Variants in ANO3 observed in about 807,000 individuals in gnomAD.
ANO3 encodes anoctamin-3.
A neutral mutation model predicts 144.8 loss-of-function variants in ANO3; 99 were observed. That is an observed-to-expected ratio of 0.68 (90% CI 0.58 to 0.81). ANO3 has a LOEUF of 0.81. ANO3 is among the 30% of genes least tolerant of loss of function. The pLI is 0.00. For missense variants in ANO3, 905 were observed against 1,202.2 expected (o/e 0.75, Z 3.66); for synonymous variants, 414 against 392.6 (o/e 1.05, Z -0.64).
chr11:26,215,821 A>C (rs58419479), intron 1 of ANO3, among the ~76,000 whole-genome samples: 35,641 of 151,694 alleles, frequency 0.23, 4,814 homozygotes, highest in Non-Finnish European at 0.29. Context: ...AGATCACTAC[A>C]GCCTCCTCCC....
intron 4 of ANO3, among the ~76,000 whole-genome samples, chr11:26,463,988 T>C (rs1398892412): frequency 1.3e-5 from 2 of 151,826 alleles, no homozygotes; most frequent in Non-Finnish European, 2.9e-5. Flanking sequence ...ACACAAGGAA[T>C]GACTTAGGTT....
At chr11:26,415,759 C>A (rs1023832596) in intron 1 of ANO3, among the ~76,000 whole-genome samples, 2 of 152,040 alleles carry the variant, frequency 1.3e-5, no homozygotes, top group Non-Finnish European at 1.5e-5. Flanking sequence ...GTTCTCTTTT[C>A]CTCTGTCATT....
At chr11:26,546,546 A>G (rs1023793353) in intron 11 of ANO3, among the ~76,000 whole-genome samples, 2 of 152,008 alleles carry the variant, frequency 1.3e-5, no homozygotes, top group African/African-American at 4.8e-5. Flanking sequence ...TGTGTTAAGT[A>G]ACCGTCTTTA....
chr11:26,407,708 CT>C (rs2133981978), intron 1 of ANO3, among the ~76,000 whole-genome samples: 1 of 151,956 alleles, frequency 6.6e-6, no homozygotes, highest in Non-Finnish European at 1.5e-5. Context: ...AGCTTAAAAT[CT>C]TGCAATGGCT....
chr11:26,535,037 A>C (rs1849469598), intron 9 of ANO3, among the ~76,000 whole-genome samples: 1 of 152,216 alleles, frequency 6.6e-6, no homozygotes, highest in Admixed American at 6.5e-5. Flanking sequence ...TCTGTTTTAC[A>C]AAGTATATGA....
At chr11:26,400,675 A>C (rs995129671) in intron 1 of ANO3, among the ~76,000 whole-genome samples, 1 of 151,818 alleles carries the variant, frequency 6.6e-6, no homozygotes, top group African/African-American at 2.4e-5. Flanking sequence ...GTTGAAGATA[A>C]AGTGAACAAA....
intron 9 of ANO3, among the ~76,000 whole-genome samples, chr11:26,537,008 T>A (rs35128690): frequency 0.68 from 91,962 of 134,312 alleles, 28,963 homozygotes; most frequent in East Asian, 0.82. Context: ...TCCTTTAAAT[T>A]TTTTTTTTTT....
intron 1 of ANO3, 141 bp from the exon 2 acceptor site, chr11:26,441,777 G>T (rs1858530494): frequency 1.7e-5 from 10 of 601,834 alleles, no homozygotes; most frequent in Non-Finnish European, 2.6e-5. Context: ...ACATAAACAA[G>T]ACTAACTCAA....
intron 4 of ANO3, among the ~76,000 whole-genome samples, chr11:26,467,420 C>G (rs1859637992): frequency 6.6e-6 from 1 of 151,820 alleles, no homozygotes. Context: ...TTTAATCATC[C>G]CCTCTCCCCT....
intron 1 of ANO3, among the ~76,000 whole-genome samples, chr11:26,291,737 C>T (rs1240908094): frequency 2.0e-5 from 3 of 152,140 alleles, no homozygotes; most frequent in Non-Finnish European, 4.4e-5. Context: ...AATATTGGCC[C>T]CTACTCTCTT....
At chr11:26,611,363 A>G (rs983465921) in intron 17 of ANO3, among the ~76,000 whole-genome samples, 1 of 152,062 alleles carries the variant, frequency 6.6e-6, no homozygotes, top group Non-Finnish European at 1.5e-5. Context: ...TAATTTATTC[A>G]TTGAATTATT....
intron 5 of ANO3, among the ~76,000 whole-genome samples, chr11:26,510,069 G>A (rs1001927766): frequency 6.8e-6 from 1 of 148,148 alleles, no homozygotes. Flanking sequence ...GGGAGATGGA[G>A]CTTGCAGTGA....
intron 1 of ANO3, among the ~76,000 whole-genome samples, chr11:26,320,906 A>G (rs1301130610): frequency 6.6e-6 from 1 of 152,142 alleles, no homozygotes; most frequent in Non-Finnish European, 1.5e-5. Flanking sequence ...TTTAGTAGAA[A>G]ACAATGCATC....
intron 1 of ANO3, among the ~76,000 whole-genome samples, chr11:26,353,146 C>G (rs1442865113): frequency 6.6e-6 from 1 of 152,146 alleles, no homozygotes; most frequent in Non-Finnish European, 1.5e-5. Flanking sequence ...TTCATGAAGA[C>G]TCCTGGGAAA....
chr11:26,648,277 G>T (rs1036669831), intron 24 of ANO3, among the ~76,000 whole-genome samples: 2 of 152,044 alleles, frequency 1.3e-5, no homozygotes, highest in African/African-American at 4.8e-5. Flanking sequence ...GAACTTGAAG[G>T]AACTGTCAGC....
intron 1 of ANO3, among the ~76,000 whole-genome samples, chr11:26,223,228 C>A (rs1213018403): frequency 6.6e-6 from 1 of 152,006 alleles, no homozygotes; most frequent in African/African-American, 2.4e-5. Context: ...TGCCAGATAC[C>A]CTGAGTCGTC....
chr11:26,388,980 A>G (rs1222800720), intron 1 of ANO3, among the ~76,000 whole-genome samples: 1 of 152,126 alleles, frequency 6.6e-6, no homozygotes, highest in East Asian at 1.9e-4. Flanking sequence ...AACATTTTAT[A>G]TCTGAGAAAA....
At chr11:26,453,058 C>T (rs1230960981) in intron 3 of ANO3, among the ~76,000 whole-genome samples, 1 of 151,574 alleles carries the variant, frequency 6.6e-6, no homozygotes, top group Non-Finnish European at 1.5e-5. Flanking sequence ...CAGGCCTGCC[C>T]TAAAAGAGCT....
chr11:26,506,679 G>A (rs576130429), intron 4 of ANO3, among the ~76,000 whole-genome samples: 1 of 152,202 alleles, frequency 6.6e-6, no homozygotes, highest in Admixed American at 6.5e-5. Context: ...TTTGAACTTG[G>A]AAGTCTCTAC....
Sources: gnomAD v4.1 joint callset for allele counts (sites outside exome capture counted in the v4.1 genomes callset) on GRCh38, gnomAD v4.1.1 for gene constraint, MANE v1.5 for transcripts, NCBI Gene and HGNC (gene_info 2026-07-23, HGNC 2026-07-21) for gene names.